The following SYN3 variants were observed in gnomAD, a reference collection of about 807,000 sequenced individuals.
SYN3 encodes synapsin III.
SYN3 carries 35 observed loss-of-function variants against 65.8 expected under a neutral mutation model. The ratio of observed to expected loss-of-function variants is 0.53; its 90% confidence interval spans 0.41 to 0.70. The LOEUF is 0.70. Among genes scored for constraint, SYN3 ranks in the 30% least tolerant of loss-of-function variants. The pLI is 0.00. For missense variants in SYN3, 680 were observed against 749.0 expected, an observed-to-expected ratio of 0.91 and a Z score of 1.08; for synonymous variants, 270 against 292.9, an observed-to-expected ratio of 0.92 and a Z score of 0.80.
intron 4 of SYN3, among the ~76,000 whole-genome samples, chr22:32,878,855 G>A (rs1372573136): frequency 6.6e-6 from 1 of 152,178 alleles, no homozygotes; most frequent in Non-Finnish European, 1.5e-5. Flanking sequence ...TGAGGAATAA[G>A]CAAATGGGGC....
At chr22:32,810,789 C>T (rs891195238) in intron 6 of SYN3, among the ~76,000 whole-genome samples, 3 of 152,078 alleles carry the variant, frequency 2.0e-5, no homozygotes, top group African/African-American at 4.8e-5. Context: ...GACTTGGTTT[C>T]GTGACTTGAG....
chr22:32,929,175 G>A (rs897675172), intron 4 of SYN3, among the ~76,000 whole-genome samples: 2 of 152,088 alleles, frequency 1.3e-5, no homozygotes, highest in African/African-American at 4.8e-5. Context: ...CCAGCTACCC[G>A]GGAGGCTGAG....
At chr22:32,564,820 C>T (rs556015849) in intron 7 of SYN3, among the ~76,000 whole-genome samples, 68 of 148,962 alleles carry the variant, frequency 4.6e-4, no homozygotes, top group Non-Finnish European at 1.8e-4. Context: ...CGCATTGTAC[C>T]CAAACAGTGC....
chr22:32,876,461 G>C (rs1370938068), intron 4 of SYN3, among the ~76,000 whole-genome samples: 3 of 152,192 alleles, frequency 2.0e-5, no homozygotes, highest in Non-Finnish European at 2.9e-5. Flanking sequence ...AAAAGAAGGA[G>C]TAAGTCAACA....
intron 6 of SYN3, among the ~76,000 whole-genome samples, chr22:32,657,667 C>G (rs1163852359): frequency 4.6e-5 from 7 of 152,190 alleles, no homozygotes; most frequent in Admixed American, 4.6e-4. Flanking sequence ...AGACTGTGCT[C>G]TCCGGAGCCT....
chr22:32,744,639 A>G (rs1435053036), intron 6 of SYN3, among the ~76,000 whole-genome samples: 2 of 152,200 alleles, frequency 1.3e-5, no homozygotes, highest in South Asian at 2.1e-4. Context: ...CTTTCACCCA[A>G]CATGCTACTG....
intron 1 of SYN3, among the ~76,000 whole-genome samples, chr22:33,018,623 C>T (rs757446111): frequency 2.6e-5 from 4 of 152,282 alleles, no homozygotes; most frequent in East Asian, 3.9e-4. Flanking sequence ...CATAAGGATA[C>T]GTTTTGCATC....
intron 6 of SYN3, among the ~76,000 whole-genome samples, chr22:32,808,716 T>G (rs1222519124): frequency 6.6e-6 from 1 of 152,198 alleles, no homozygotes. Flanking sequence ...CTCCTTTGGT[T>G]CCTTTCCCTG....
At position 32,891,977 on chromosome 22, in the gene SYN3, C is replaced by CTAATAATAATAATAATAA. The variant is rs57171093; in HGVS notation, c.462-22870_462-22853dup. On this transcript the variant is annotated intron_variant, in intron 4 of 13. Transcript: ENST00000358763. ...GTATTGTTTCAAGATTCCTTTTTAGCTAATAATAATAATAATAATAATAAT... is the reference window on the plus strand; with the variant it reads ...GTATTGTTTCAAGATTCCTTTTTAGCTAATAATAATAATAATAATAATAATAATAATAATAATAATAAT... 6.8e-4 allele frequency among the ~76,000 whole-genome samples: 101 copies of CTAATAATAATAATAATAA among 148,290 alleles called. No homozygotes were observed. The Middle Eastern group carries it at 0.011, about 16-fold the overall frequency.
At chr22:32,627,820 GTTTGTTTTTGTT>G (rs571196677) in intron 6 of SYN3, among the ~76,000 whole-genome samples, 4 of 149,742 alleles carry the variant, frequency 2.7e-5, no homozygotes, top group Admixed American at 6.6e-5. Context: ...CATTTTTTTT[GTTTGTTTTTGTT>G]TTTGTTTTTG....
intron 12 of SYN3, among the ~76,000 whole-genome samples, chr22:32,526,242 A>T (rs1185977784): frequency 6.6e-6 from 1 of 152,194 alleles, no homozygotes; most frequent in Non-Finnish European, 1.5e-5. Flanking sequence ...GAACCGAACC[A>T]GCAATATCTC....
chr22:32,787,546 T>G, intron 6 of SYN3, among the ~76,000 whole-genome samples: 1 of 152,186 alleles, frequency 6.6e-6, no homozygotes. Context: ...TGGGTTGTTG[T>G]GAAGATTCAC....
chr22:32,518,343 C>A lies in SYN3; in HGVS notation c.1319-9G>T, dbSNP rs2057815458. ...AGCTTGGCGAGGGCCTCCTAAGGGG[C>A]CAGAAAAAAAAAGGTTCAGTTCAAT... On this transcript the variant is annotated splice_polypyrimidine_tract_variant and intron_variant, in intron 12 of 13. Coordinates refer to ENST00000358763, the MANE Select transcript of SYN3 (RefSeq NM_003490.4). 4 of 1,606,214 alleles carry A rather than the reference C, an allele frequency of 2.5e-6. No individual in the cohort carries two copies. The highest frequency in any genetic ancestry group is 3.4e-6 in the Non-Finnish European group (4 of 1,177,206).
intron 4 of SYN3, among the ~76,000 whole-genome samples, chr22:32,909,112 G>T (rs931736728): frequency 6.6e-6 from 1 of 152,088 alleles, no homozygotes; most frequent in East Asian, 1.9e-4. Context: ...CTAAACCCTG[G>T]GAAAGAAGGA....
At chr22:32,971,453 G>A (rs954730708) in intron 3 of SYN3, among the ~76,000 whole-genome samples, 2 of 152,216 alleles carry the variant, frequency 1.3e-5, no homozygotes, top group Non-Finnish European at 2.9e-5. Context: ...ACAAGGCTTA[G>A]TGGATCAGAG....
chr22:32,951,503 G>A (rs750499383), intron 3 of SYN3, among the ~76,000 whole-genome samples: 3 of 152,194 alleles, frequency 2.0e-5, no homozygotes, highest in African/African-American at 7.2e-5. Flanking sequence ...AAGCTCTGCA[G>A]GGCAGAGATT....
intron 6 of SYN3, among the ~76,000 whole-genome samples, chr22:32,734,485 G>A (rs1297905849): frequency 1.3e-5 from 2 of 149,240 alleles, no homozygotes; most frequent in Non-Finnish European, 3.0e-5. Context: ...TGGAATGGGT[G>A]ATGGAGGAGC....
intron 1 of SYN3, among the ~76,000 whole-genome samples, chr22:33,031,039 G>A (rs1243017056): frequency 1.3e-5 from 2 of 152,182 alleles, no homozygotes; most frequent in African/African-American, 4.8e-5. Context: ...ACAGAGAACA[G>A]GCCCTGCTGA....
intron 3 of SYN3, among the ~76,000 whole-genome samples, chr22:32,946,896 T>C (rs1359335211): frequency 1.3e-5 from 2 of 152,192 alleles, no homozygotes; most frequent in Non-Finnish European, 2.9e-5. Context: ...GGGCTATATA[T>C]AGGCACAGAC....
Sources: allele counts gnomAD v4.1 joint callset (sites outside exome capture counted in the v4.1 genomes callset), GRCh38; gene constraint gnomAD v4.1.1; transcripts MANE v1.5; gene names NCBI Gene and HGNC (gene_info 2026-07-23, HGNC 2026-07-21).